The following PTPRN2 variants were observed in gnomAD, a reference collection of about 807,000 sequenced individuals.
The protein encoded by PTPRN2 is protein tyrosine phosphatase receptor type N2.
PTPRN2 carries 74 observed loss-of-function variants against 118.8 expected under a neutral mutation model. The ratio of observed to expected loss-of-function variants is 0.62; its 90% CI spans 0.52 to 0.76. The LOEUF is 0.76. Ranked by LOEUF, PTPRN2 falls within the 30% of genes least tolerant of loss-of-function variation. The pLI, the probability that PTPRN2 is intolerant of heterozygous loss-of-function variation, is 0.00. For synonymous variants in PTPRN2, 641 were observed against 608.0 expected, an observed-to-expected ratio of 1.05 and a Z score of -0.80; for missense variants, 1,481 against 1,394.4, an observed-to-expected ratio of 1.06 and a Z score of -0.99.
chr7:158,579,673 A>C (rs955593937), intron 1 of PTPRN2, among the ~76,000 whole-genome samples: 2 of 152,242 alleles, frequency 1.3e-5, no homozygotes, highest in Non-Finnish European at 2.9e-5. Flanking sequence ...AAACAGCCAC[A>C]TATTCCCTAT....
intron 3 of PTPRN2, among the ~76,000 whole-genome samples, chr7:158,269,354 G>A (rs1431684363): frequency 3.3e-5 from 5 of 152,156 alleles, no homozygotes; most frequent in Admixed American, 6.5e-5. Context: ...CAGGAGGCGC[G>A]GCCATCCCCG....
intron 6 of PTPRN2, among the ~76,000 whole-genome samples, chr7:158,156,594 A>G (rs895244323): frequency 6.6e-6 from 1 of 152,224 alleles, no homozygotes; most frequent in Non-Finnish European, 1.5e-5. Context: ...GGGCAGGTGA[A>G]CACACAGCTG....
intron 11 of PTPRN2, among the ~76,000 whole-genome samples, chr7:157,934,023 A>G (rs1799557071): frequency 6.6e-6 from 1 of 152,200 alleles, no homozygotes; most frequent in Admixed American, 6.5e-5. Context: ...CTTGGCTGGT[A>G]TACCGTGGCT....
At chr7:157,738,657 C>T (rs1432339143) in intron 12 of PTPRN2, among the ~76,000 whole-genome samples, 1 of 152,238 alleles carries the variant, frequency 6.6e-6, no homozygotes, top group Non-Finnish European at 1.5e-5. Flanking sequence ...AAGTCGTCAT[C>T]ACGGCTCATC....
chr7:158,103,293 TG>T (rs538731906), intron 10 of PTPRN2, among the ~76,000 whole-genome samples: 47 of 152,020 alleles, frequency 3.1e-4, no homozygotes, highest in African/African-American at 1.1e-3. Context: ...GAATCCTTCG[TG>T]GAAAGGAATG....
intron 10 of PTPRN2, among the ~76,000 whole-genome samples, chr7:158,091,127 C>T (rs901529267): frequency 6.6e-6 from 1 of 152,202 alleles, no homozygotes; most frequent in African/African-American, 2.4e-5. Flanking sequence ...ACAGTCGATA[C>T]ATAACACAGG....
chr7:157,791,256 A>G (rs1301944432), intron 12 of PTPRN2, among the ~76,000 whole-genome samples: 2 of 152,238 alleles, frequency 1.3e-5, no homozygotes, highest in East Asian at 1.9e-4. Context: ...AAGATATTCC[A>G]CAGTTTCGTA....
intron 3 of PTPRN2, among the ~76,000 whole-genome samples, chr7:158,237,654 T>C (rs866213525): frequency 0.039 from 559 of 14,352 alleles, 223 homozygotes; most frequent in African/African-American, 0.24. Flanking sequence ...CGGGTCCCCT[T>C]ATTTCTTTCT....
intron 12 of PTPRN2, among the ~76,000 whole-genome samples, chr7:157,822,096 A>C (rs373069157): frequency 6.6e-6 from 1 of 151,102 alleles, no homozygotes; most frequent in Non-Finnish European, 1.5e-5. Context: ...AATCACCCAT[A>C]CACTCATCCA....
chr7:158,129,269 C>G (rs1362162964), intron 9 of PTPRN2, among the ~76,000 whole-genome samples: 1 of 150,800 alleles, frequency 6.6e-6, no homozygotes, highest in Admixed American at 6.6e-5. Flanking sequence ...ACACCACACA[C>G]TACACACCAC....
rs564683919 is a variant in PTPRN2, at chr7:158,149,574, G to A, written c.911-11059C>T. On this transcript the variant is annotated intron_variant, in intron 6 of 22. Transcript: ENST00000389418. ...ATCCCAGCACTTTGGGGTCCGAGGT[G>A]GGTGGATCACCTGAGGTCAGGAGTT... 3.8e-3 allele frequency among the ~76,000 whole-genome samples: 585 copies of A among 152,248 alleles called. 2 individuals carry two copies. Among genetic ancestry groups the A allele is most frequent in the Non-Finnish European group, 5.1e-3 (346 of 68,018 alleles).
At chr7:158,454,505 T>TGTGA in intron 2 of PTPRN2, among the ~76,000 whole-genome samples, 1 of 148,822 alleles carries the variant, frequency 6.7e-6, no homozygotes, top group Non-Finnish European at 1.5e-5. Flanking sequence ...CAATCACTGA[T>TGTGA]GTGAGGATTG....
At chr7:157,551,347 A>T (rs1798586524) in intron 21 of PTPRN2, among the ~76,000 whole-genome samples, 1 of 152,066 alleles carries the variant, frequency 6.6e-6, no homozygotes, top group South Asian at 2.1e-4. Flanking sequence ...AACTGTAGGC[A>T]GAAGGATAAA....
chr7:157,654,025 C>T (rs1250952463), intron 14 of PTPRN2, among the ~76,000 whole-genome samples: 9 of 134,934 alleles, frequency 6.7e-5, no homozygotes, highest in Non-Finnish European at 1.4e-4. Context: ...ACACGACGCC[C>T]GCCTCTCCCC....
rs140633563 is a variant in PTPRN2 at position 157,801,215 on chromosome 7, C to G, written c.1788+97458G>C. Among the ~76,000 whole-genome samples the G allele has an allele frequency of 6.6e-6, 1 of 152,014 alleles. No homozygotes were observed. The highest frequency in any genetic ancestry group is 1.5e-5 in the Non-Finnish European group (1 of 68,022). Reference sequence around the variant, plus strand: ...TGATTCCGCTACACGGTGCAAGTTACGCCAGACCAGAAACTGAACCGACGC... The same window carrying G: ...TGATTCCGCTACACGGTGCAAGTTAGGCCAGACCAGAAACTGAACCGACGC... On this transcript the variant is annotated intron_variant, in intron 12 of 22. Transcript: ENST00000389418. This position sits in a 1 kb window ranked among gnomAD's most constrained non-coding sequence, Gnocchi z 4.2.
At chr7:158,078,522 C>T (rs947865071) in intron 11 of PTPRN2, among the ~76,000 whole-genome samples, 2 of 152,258 alleles carry the variant, frequency 1.3e-5, no homozygotes, top group Non-Finnish European at 2.9e-5. Context: ...TAAGAAACTC[C>T]TTTTGAATTT....
At chr7:157,640,087 G>A (rs1443316155) in intron 14 of PTPRN2, among the ~76,000 whole-genome samples, 1 of 152,188 alleles carries the variant, frequency 6.6e-6, no homozygotes, top group Non-Finnish European at 1.5e-5. Context: ...AAACTACCAT[G>A]AGCAAATCAG....
At chr7:158,213,229 TG>T (rs1827733237) in intron 3 of PTPRN2, among the ~76,000 whole-genome samples, 1 of 151,658 alleles carries the variant, frequency 6.6e-6, no homozygotes, top group Admixed American at 6.6e-5. Flanking sequence ...TGTGTGTGTG[TG>T]TGTGTGTGTG....
At chr7:157,637,327 C>T (rs994840528) in intron 14 of PTPRN2, among the ~76,000 whole-genome samples, 1 of 152,120 alleles carries the variant, frequency 6.6e-6, no homozygotes, top group Non-Finnish European at 1.5e-5. Flanking sequence ...GGTCTCCTAC[C>T]ACACTAACAT....
Sources: allele counts gnomAD v4.1 joint callset (sites outside exome capture counted in the v4.1 genomes callset), GRCh38; gene constraint gnomAD v4.1.1; non-coding constraint Gnocchi (gnomAD v3.1); transcripts MANE v1.5; gene names NCBI Gene and HGNC (gene_info 2026-07-23, HGNC 2026-07-21).